HMCN1: variants seen among roughly 807,000 people sequenced by gnomAD.
The protein encoded by HMCN1 is hemicentin-1.
Under a neutral mutation model 625.9 loss-of-function variants are expected in HMCN1, and 321 were observed. The ratio of observed to expected loss-of-function variants is 0.51; its 90% CI spans 0.47 to 0.56. The LOEUF (loss-of-function observed/expected upper bound fraction) is 0.56, where lower values mean the gene tolerates loss of function less well. Among genes scored for constraint, HMCN1 ranks in the 20% least tolerant of loss-of-function variants. The probability of loss-of-function intolerance (pLI) is 0.00; values close to 1 mark genes in which losing one functional copy is unlikely to be tolerated. For missense variants in HMCN1, 6,588 were observed against 6,887.3 expected, an observed-to-expected ratio of 0.96 and a Z score of 1.54; for synonymous variants, 2,425 against 2,417.6, an observed-to-expected ratio of 1.00 and a Z score of -0.09.
intron 48 of HMCN1, 123 bp downstream of exon 48, chr1:186,062,723 T>C (rs2102313305): frequency 4.2e-6 from 3 of 706,660 alleles, no homozygotes; most frequent in East Asian, 5.4e-5. Context: ...GTTACATGGA[T>C]ATATTGAGTA....
chr1:185,779,545 A>G (rs1656896938), intron 1 of HMCN1, among the ~76,000 whole-genome samples: 1 of 152,238 alleles, frequency 6.6e-6, no homozygotes, highest in Non-Finnish European at 1.5e-5. Flanking sequence ...GAAGGGATCC[A>G]GTTTCAGCTT....
At chr1:185,750,712 C>A (rs1654748268) in intron 1 of HMCN1, among the ~76,000 whole-genome samples, 1 of 151,960 alleles carries the variant, frequency 6.6e-6, no homozygotes, top group Non-Finnish European at 1.5e-5. Flanking sequence ...AATCCTGTTA[C>A]TCTTATTGTG....
rs749420544 is a variant in HMCN1, at chr1:186,137,456, T to C, written c.13583-42T>C. The C allele has an allele frequency of 1.9e-6, 3 of 1,599,226 alleles. No individual in the cohort carries two copies. The South Asian group carries it at 3.4e-5, about 18-fold the overall frequency. On this transcript the variant is annotated intron_variant, in intron 87 of 106. Transcript: ENST00000271588. The stretch of plus-strand genomic sequence containing the variant: ...AAATGAAATCTCCTTTACAATGTTT[T>C]ATTTGCAAAAGCTTAGACAAAGTAC...
intron 69 of HMCN1, among the ~76,000 whole-genome samples, chr1:186,104,049 C>A (rs10911820): frequency 0.62 from 93,505 of 151,916 alleles, 30,381 homozygotes; most frequent in African/African-American, 0.84. Context: ...ATGAACTAGC[C>A]GATATGGAAG....
intron 4 of HMCN1, among the ~76,000 whole-genome samples, chr1:185,903,324 C>T (rs544836370): frequency 7.2e-5 from 11 of 151,852 alleles, no homozygotes; most frequent in South Asian, 4.1e-4. Flanking sequence ...GAGAGTTCCT[C>T]TTTTCACTAA....
At chr1:185,813,153 A>G (rs530377552) in intron 1 of HMCN1, among the ~76,000 whole-genome samples, 2 of 152,306 alleles carry the variant, frequency 1.3e-5, no homozygotes, top group African/African-American at 2.4e-5. Context: ...TAGTTGCTCA[A>G]TTAATATTGT....
chr1:186,012,350 A>G (rs937954520), intron 30 of HMCN1, among the ~76,000 whole-genome samples: 4 of 151,592 alleles, frequency 2.6e-5, no homozygotes, highest in African/African-American at 9.7e-5. Context: ...TTTTGACTGT[A>G]GTTGTTTCAC....
intron 1 of HMCN1, among the ~76,000 whole-genome samples, chr1:185,824,584 G>A (rs534141158): frequency 6.6e-6 from 1 of 152,248 alleles, no homozygotes; most frequent in East Asian, 1.9e-4. Flanking sequence ...TATATTGGTT[G>A]TAGGCATAAC....
Position 185,984,213 on chromosome 1 carries a change from C to T in HMCN1, c.2835C>T (p.Leu945=). ...PYITVRSDGS[L]HIERVQLQDG... ...TCACTGTGCGCAGTGATGGGAGCCT[C>T]CATATTGAAAGAGTTCAGCTTCAGG... is the stretch of plus-strand genomic sequence containing the variant. Residue 945 remains leucine (L), a synonymous_variant, in exon 19 of 107, where the codon CTC becomes CTT. Transcript: ENST00000271588. 2.5e-6 allele frequency: 4 copies of T among 1,613,516 alleles called. No individual in the cohort carries two copies. The highest frequency in any genetic ancestry group is 3.4e-6 in the Non-Finnish European group (4 of 1,179,602).
At chr1:185,858,411 A>G (rs1259146246) in intron 2 of HMCN1, among the ~76,000 whole-genome samples, 3 of 151,452 alleles carry the variant, frequency 2.0e-5, no homozygotes, top group Non-Finnish European at 4.4e-5. Flanking sequence ...AGACGTTTAA[A>G]GGATTTATTT....
chr1:185,884,118 C>T (rs1389532925), intron 4 of HMCN1, among the ~76,000 whole-genome samples: 2 of 151,606 alleles, frequency 1.3e-5, no homozygotes, highest in African/African-American at 4.8e-5. Flanking sequence ...TTTAGTTCTA[C>T]TTATAAGATG....
chr1:185,780,191 T>G (rs1656962064), intron 1 of HMCN1, among the ~76,000 whole-genome samples: 1 of 152,356 alleles, frequency 6.6e-6, no homozygotes, highest in Middle Eastern at 3.4e-3. Context: ...TTTTGTGCAT[T>G]GATTTTGTAT....
At position 186,001,351 on chromosome 1, in the gene HMCN1, A is replaced by C; in HGVS notation, c.4123A>C (p.Asn1375His). 2 of 1,612,078 alleles carry C rather than the reference A, an allele frequency of 1.2e-6. No homozygotes were observed. The highest frequency in any genetic ancestry group is 1.7e-6 in the Non-Finnish European group (2 of 1,178,474). The change falls in exon 27 of 107, where the codon AAT becomes CAT. Residue 1375 changes from asparagine to histidine, a missense_variant. Physicochemically the swap from Asn to His is moderately conservative, Grantham distance 68. Transcript: ENST00000271588. The part of the protein sequence containing the change: ...EQVTNVSVLL[N>H]QLTNLFCEVE... ...AGTTACAAATGTGTCGGTGTTGTTA[A>C]ATCAGCTGACCAATCTCTTCTGTGA...
rs1410787170 is a variant in HMCN1, at chr1:186,001,741, G to T, written c.4348G>T (p.Val1450Phe). 6.2e-7 allele frequency: 1 copy of T among 1,610,438 alleles called. No homozygotes were observed. The highest frequency in any genetic ancestry group is 1.1e-5 in the South Asian group (1 of 90,982). ...SQKYFNIDVL[V>F]PPTIIGTNFP... The stretch of plus-strand genomic sequence containing the variant: ...GAAGTACTTTAACATTGATGTGCTA[G>T]GTAAGAAATACATCCTTTTAAAAAA... The change falls in exon 28 of 107, where the codon GTT becomes TTT. Residue 1450 changes from valine (V) to phenylalanine (F), a missense_variant and splice_region_variant. Physicochemically the swap from Val to Phe is conservative, Grantham distance 50. This residue lies in a region of HMCN1 where 4,628 missense variants were observed against 4,853.1 expected (regional missense o/e 0.95). Coordinates refer to ENST00000271588, the MANE Select transcript of HMCN1 (RefSeq NM_031935.3).
chr1:186,111,597 G>A lies in HMCN1; in HGVS notation c.10990-1215G>A, dbSNP rs866967846. On this transcript the variant is annotated intron_variant, in intron 71 of 106. Transcript: ENST00000271588. ...GGATTTTGAGATTAGAGTAAACTAC[G>A]ATAGCACCACTACTGCGGCATGGGT... 3.9e-5 allele frequency among the ~76,000 whole-genome samples: 6 copies of A among 152,080 alleles called. No homozygotes were observed. The South Asian group carries it at 6.2e-4, about 16-fold the overall frequency.
intron 1 of HMCN1, among the ~76,000 whole-genome samples, chr1:185,808,253 A>G (rs1228394089): frequency 6.6e-6 from 1 of 152,142 alleles, no homozygotes; most frequent in African/African-American, 2.4e-5. Flanking sequence ...GCACTGCGGC[A>G]CGAGAATCCC....
intron 97 of HMCN1, among the ~76,000 whole-genome samples, chr1:186,154,607 ATT>A (rs375520885): frequency 1.0e-3 from 157 of 152,304 alleles, no homozygotes; most frequent in African/African-American, 3.7e-3. Flanking sequence ...ATTGTTTTGA[ATT>A]TTGTTTGTCA....
intron 1 of HMCN1, among the ~76,000 whole-genome samples, chr1:185,738,640 T>C (rs1333390838): frequency 6.6e-6 from 1 of 152,212 alleles, no homozygotes; most frequent in Non-Finnish European, 1.5e-5. Flanking sequence ...GCCAAGCTGT[T>C]TTCCAAAGCA....
chr1:185,950,639 G>A (rs1484942256), intron 11 of HMCN1, among the ~76,000 whole-genome samples: 1 of 151,916 alleles, frequency 6.6e-6, no homozygotes, highest in African/African-American at 2.4e-5. Flanking sequence ...CTTGAGTGAA[G>A]TAATGGGGGC....
Sources: allele counts gnomAD v4.1 joint callset (sites outside exome capture counted in the v4.1 genomes callset), GRCh38; gene constraint gnomAD v4.1.1; regional missense constraint gnomAD v4.1.1; transcripts MANE v1.5; gene names NCBI Gene and HGNC (gene_info 2026-07-23, HGNC 2026-07-21).